DLGAP2: variants seen among roughly 807,000 people sequenced by gnomAD.
DLGAP2 encodes DLG associated protein 2, also known as disks large-associated protein 2.
DLGAP2 carries 26 observed loss-of-function variants against 100.3 expected under a neutral mutation model. The observed-to-expected ratio is 0.26, with a 90% CI of 0.19 to 0.36. The LOEUF is 0.36. Among genes scored for constraint, DLGAP2 ranks in the 10% least tolerant of loss-of-function variants. DLGAP2 has a pLI of 1.00. For synonymous variants in DLGAP2, 886 were observed against 630.1 expected (o/e 1.41, Z -6.08); for missense variants, 1,858 against 1,453.2 (o/e 1.28, Z -4.53).
chr8:841,221 C>T (rs1796978176), intron 1 of DLGAP2, among the ~76,000 whole-genome samples: 2 of 152,156 alleles, frequency 1.3e-5, no homozygotes. Flanking sequence ...GTTTATCTCA[C>T]CCTCCAAAGA....
chr8:1,319,071 T>G (rs1800835575), intron 3 of DLGAP2, among the ~76,000 whole-genome samples: 2 of 152,096 alleles, frequency 1.3e-5, no homozygotes, highest in South Asian at 4.2e-4. Flanking sequence ...TGAAGCAGAA[T>G]GGAGACTTGG....
intron 2 of DLGAP2, among the ~76,000 whole-genome samples, chr8:1,258,516 T>C (rs1176297638): frequency 6.6e-6 from 1 of 152,128 alleles, no homozygotes; most frequent in Non-Finnish European, 1.5e-5. Context: ...GATGGATTGA[T>C]GGTTGCAGCA....
chr8:1,622,031 G>A (rs2130759270), intron 6 of DLGAP2: 1 of 152,368 alleles, frequency 6.6e-6, no homozygotes, highest in Middle Eastern at 3.4e-3. Context: ...CTGAAATCCA[G>A]TCATTAATTG....
intron 2 of DLGAP2, among the ~76,000 whole-genome samples, chr8:1,061,756 A>G (rs1019763551): frequency 2.6e-5 from 4 of 150,954 alleles, no homozygotes; most frequent in African/African-American, 4.9e-5. Context: ...CCCGGTGAGG[A>G]CTTTCTCGGA....
intron 3 of DLGAP2, among the ~76,000 whole-genome samples, chr8:1,314,931 A>G (rs1483152947): frequency 6.6e-6 from 1 of 152,164 alleles, no homozygotes; most frequent in African/African-American, 2.4e-5. Context: ...CATGTGCCCT[A>G]CCGGGGAAGG....
chr8:825,541 C>T (rs973834841), intron 1 of DLGAP2, among the ~76,000 whole-genome samples: 1 of 152,198 alleles, frequency 6.6e-6, no homozygotes, highest in African/African-American at 2.4e-5. Flanking sequence ...TGAAGTTCAT[C>T]TTGTTCCCTT....
intron 3 of DLGAP2, among the ~76,000 whole-genome samples, chr8:1,469,430 G>C (rs1295244975): frequency 6.6e-6 from 1 of 152,224 alleles, no homozygotes; most frequent in Non-Finnish European, 1.5e-5. Context: ...TGGCCACCAA[G>C]GGCAGCAAAC....
At chr8:979,392 A>T (rs1294331181) in intron 2 of DLGAP2, among the ~76,000 whole-genome samples, 1 of 152,220 alleles carries the variant, frequency 6.6e-6, no homozygotes, top group Non-Finnish European at 1.5e-5. Flanking sequence ...CAGACATAAT[A>T]GTCTGTGATT....
chr8:1,069,705 A>G (rs780378437), intron 2 of DLGAP2, among the ~76,000 whole-genome samples: 4 of 152,196 alleles, frequency 2.6e-5, no homozygotes, highest in Non-Finnish European at 5.9e-5. Flanking sequence ...TGTACCTACG[A>G]TAAAAGTTAT....
At chr8:866,732 T>C (rs1797505451) in intron 1 of DLGAP2, among the ~76,000 whole-genome samples, 1 of 152,206 alleles carries the variant, frequency 6.6e-6, no homozygotes, top group Non-Finnish European at 1.5e-5. Context: ...CTGTGTGCTG[T>C]GAGCATCAAA....
rs1053082222 is a variant in DLGAP2 at position 1,100,015 on chromosome 8, G to C, written c.74-158836G>C. Among the ~76,000 whole-genome samples, 5 of 152,350 alleles carry C rather than the reference G, an allele frequency of 3.3e-5. No homozygotes were observed. The South Asian group carries it at 6.2e-4, about 19-fold the overall frequency. ...AATGGAAAATTCTAGAAATGAACAA[G>C]TCATAAGTTTTGAATTGCACACTGT... On this transcript the variant is annotated intron_variant, in intron 2 of 14. Coordinates refer to ENST00000637795, the MANE Select transcript of DLGAP2 (RefSeq NM_001346810.2).
At chr8:1,280,292 C>T (rs140082074) in intron 3 of DLGAP2, among the ~76,000 whole-genome samples, 87 of 152,266 alleles carry the variant, frequency 5.7e-4, no homozygotes, top group African/African-American at 2.0e-3. Context: ...TATAGCCGGG[C>T]TGTACTCGTA....
At chr8:1,696,554 T>G (rs1799402467) in intron 13 of DLGAP2, among the ~76,000 whole-genome samples, 1 of 152,192 alleles carries the variant, frequency 6.6e-6, no homozygotes, top group African/African-American at 2.4e-5. Context: ...TGTCAGGCAC[T>G]GGGCAGAGAA....
chr8:1,000,818 A>G (rs1348374965), intron 2 of DLGAP2, among the ~76,000 whole-genome samples: 1 of 151,978 alleles, frequency 6.6e-6, no homozygotes, highest in Admixed American at 6.6e-5. Flanking sequence ...GCCTCTGTGG[A>G]TGGCCTGCTT....
intron 3 of DLGAP2, among the ~76,000 whole-genome samples, chr8:1,333,750 A>C (rs1054549798): frequency 3.3e-5 from 5 of 152,178 alleles, no homozygotes; most frequent in African/African-American, 4.8e-5. Flanking sequence ...ACCTATTCTC[A>C]TACCCAATTT....
intron 2 of DLGAP2, among the ~76,000 whole-genome samples, chr8:1,136,353 C>A (rs547733878): frequency 9.2e-5 from 14 of 152,280 alleles, no homozygotes; most frequent in African/African-American, 2.9e-4. Flanking sequence ...ACTCAGATGC[C>A]CCGCAGCCTG....
intron 1 of DLGAP2, among the ~76,000 whole-genome samples, chr8:747,351 C>T (rs1188106458): frequency 6.6e-6 from 1 of 152,060 alleles, no homozygotes. Context: ...GACAAATGCA[C>T]CATTTACCAT....
chr8:839,061 C>T (rs1487071342), intron 1 of DLGAP2, among the ~76,000 whole-genome samples: 1 of 152,062 alleles, frequency 6.6e-6, no homozygotes, highest in Non-Finnish European at 1.5e-5. Context: ...GTTAGGATGG[C>T]TGTTACTGAA....
intron 1 of DLGAP2, among the ~76,000 whole-genome samples, chr8:753,278 C>T (rs1820839017): frequency 6.6e-6 from 1 of 152,190 alleles, no homozygotes; most frequent in African/African-American, 2.4e-5. Context: ...ACAAACGCGT[C>T]TTTGGAGGCT....
Sources: allele counts gnomAD v4.1 joint callset (sites outside exome capture counted in the v4.1 genomes callset), GRCh38; gene constraint gnomAD v4.1.1; transcripts MANE v1.5; gene names NCBI Gene and HGNC (gene_info 2026-07-23, HGNC 2026-07-21).